Variants in SCARA3 observed in about 807,000 individuals in gnomAD.
SCARA3 encodes scavenger receptor class A member 3.
A neutral mutation model predicts 47.0 loss-of-function variants in SCARA3; 39 were observed. That is an observed-to-expected ratio of 0.83 (90% CI 0.64 to 1.08). SCARA3 has a LOEUF of 1.08. Among genes scored for constraint, SCARA3 ranks in the 50% least tolerant of loss-of-function variants. The pLI is 0.00. For missense variants in SCARA3, 724 were observed against 792.3 expected, an observed-to-expected ratio of 0.91 and a Z score of 1.04; for synonymous variants, 356 against 334.1, an observed-to-expected ratio of 1.07 and a Z score of -0.71.
At chr8:27,709,072 G>A in the SCARA3 span, among the ~76,000 whole-genome samples, 1 of 152,182 alleles carries the variant, frequency 6.6e-6, no homozygotes, top group Non-Finnish European at 1.5e-5. Flanking sequence ...ATGTCCTCGA[G>A]AAATGTTGAC....
intron 1 of SCARA3, among the ~76,000 whole-genome samples, chr8:27,648,897 GAAGGA>G (rs35572827): frequency 0.18 from 26,393 of 147,160 alleles, 2,878 homozygotes; most frequent in Middle Eastern, 0.32. Context: ...AGGAAGGAAT[GAAGGA>G]AAGGAAAGGA....
intron 5 of SCARA3, among the ~76,000 whole-genome samples, chr8:27,668,414 C>A (rs1802066822): frequency 1.3e-5 from 2 of 151,176 alleles, no homozygotes; most frequent in Non-Finnish European, 2.9e-5. Flanking sequence ...GTGGCGGGCG[C>A]CTGTAGTCCC....
rs35697360 is a variant in SCARA3, at chr8:27,647,441, G to T, written c.8-2261G>T. The stretch of plus-strand genomic sequence containing the variant: ...GGTGGACCCTTGAAAGCTCCCCAGA[G>T]AGCTCCACAGGCAGGCATAGAACTG... On this transcript the variant is annotated intron_variant, in intron 1 of 5. Transcript: ENST00000301904. 8.5e-3 allele frequency among the ~76,000 whole-genome samples: 1,287 copies of T among 152,268 alleles called. 20 individuals are homozygous for T. The highest frequency in any genetic ancestry group is 0.024 in the African/African-American group (989 of 41,536).
At chr8:27,639,349 G>A (rs376009631) in intron 1 of SCARA3, among the ~76,000 whole-genome samples, 2 of 152,158 alleles carry the variant, frequency 1.3e-5, no homozygotes, top group South Asian at 2.1e-4. Context: ...CGGCATATAC[G>A]GGAGATTGGA....
chr8:27,679,929 T>C (rs985133225), downstream of SCARA3: 1 of 152,020 alleles, frequency 6.6e-6, no homozygotes, highest in Non-Finnish European at 1.5e-5. Flanking sequence ...AAGTCTTCCT[T>C]TTTTTTAATC....
At chr8:27,700,992 A>G in the SCARA3 span, among the ~76,000 whole-genome samples, 1 of 152,256 alleles carries the variant, frequency 6.6e-6, no homozygotes, top group Non-Finnish European at 1.5e-5. Flanking sequence ...ACTATTCACA[A>G]CAGCATTGTC....
At chr8:27,644,006 G>T (rs773904783) in intron 1 of SCARA3, among the ~76,000 whole-genome samples, 4 of 152,110 alleles carry the variant, frequency 2.6e-5, no homozygotes, top group African/African-American at 4.8e-5. Context: ...GTCAGTGGCC[G>T]TGCTTAGCAA....
chr8:27,688,407 A>T, the SCARA3 span, among the ~76,000 whole-genome samples: 1 of 152,036 alleles, frequency 6.6e-6, no homozygotes, highest in Non-Finnish European at 1.5e-5. Context: ...GGCAAAAAAA[A>T]AAAACCAGCC....
downstream of SCARA3, among the ~76,000 whole-genome samples, chr8:27,681,551 T>G (rs934908091): frequency 7.2e-5 from 11 of 151,844 alleles, no homozygotes; most frequent in Admixed American, 1.3e-4. Context: ...GAAGCGAGAC[T>G]TCATCTCTTA....
chr8:27,685,376 C>T, the SCARA3 span, among the ~76,000 whole-genome samples: 1 of 152,202 alleles, frequency 6.6e-6, no homozygotes, highest in African/African-American at 2.4e-5. Context: ...TACCAAAACA[C>T]TCAAAGAAGT....
At chr8:27,648,608 G>GA (rs958243758) in intron 1 of SCARA3, among the ~76,000 whole-genome samples, 19 of 141,514 alleles carry the variant, frequency 1.3e-4, no homozygotes, top group African/African-American at 3.4e-4. Context: ...TGTCTCAAAA[G>GA]AAAAAAAAAA....
chr8:27,731,567 C>T, the SCARA3 span, among the ~76,000 whole-genome samples: 1 of 144,976 alleles, frequency 6.9e-6, no homozygotes, highest in African/African-American at 2.5e-5. Flanking sequence ...ATAATTGCCT[C>T]GGAGACGGAG....
Position 27,670,947 on chromosome 8 carries a change from G to T in SCARA3, c.1417G>T (p.Val473Leu), listed in dbSNP as rs147324406. ...GPRGFKGDMGVKGPVGGRGPK... is the reference protein window; with the variant it reads ...GPRGFKGDMGLKGPVGGRGPK... ...AAGAGGATTCAAAGGAGATATGGGCGTGAAAGGGCCTGTTGGCGGCAGAGG... is the reference window on the plus strand; with the variant it reads ...AAGAGGATTCAAAGGAGATATGGGCTTGAAAGGGCCTGTTGGCGGCAGAGG... The change falls in exon 6 of 6, where the codon GTG becomes TTG. Residue 473 changes from valine to leucine, a missense_variant. By Grantham distance (32) the Val-to-Leu change is conservative (BLOSUM62 1). Coordinates refer to ENST00000301904, the MANE Select transcript of SCARA3 (RefSeq NM_016240.3). 2.5e-6 allele frequency: 4 copies of T among 1,588,474 alleles called. No homozygotes were observed. The African/African-American group carries it at 4.1e-5, about 16-fold the overall frequency.
At chr8:27,713,079 T>C in the SCARA3 span, among the ~76,000 whole-genome samples, 1 of 152,250 alleles carries the variant, frequency 6.6e-6, no homozygotes, top group African/African-American at 2.4e-5. Context: ...TAACTTCTAG[T>C]AATCATACTC....
At chr8:27,710,875 G>C in the SCARA3 span, among the ~76,000 whole-genome samples, 2 of 149,386 alleles carry the variant, frequency 1.3e-5, no homozygotes, top group Non-Finnish European at 3.0e-5. Context: ...TAGATCTATA[G>C]ATGTGAGATA....
intron 3 of SCARA3, among the ~76,000 whole-genome samples, chr8:27,654,755 A>C (rs1185352783): frequency 1.3e-5 from 2 of 149,950 alleles, no homozygotes; most frequent in Non-Finnish European, 2.9e-5. Flanking sequence ...ACACTGCTGC[A>C]CTCCAGCCTG....
chr8:27,641,032 A>G (rs1801370857), intron 1 of SCARA3, among the ~76,000 whole-genome samples: 2 of 152,212 alleles, frequency 1.3e-5, no homozygotes, highest in Non-Finnish European at 2.9e-5. Flanking sequence ...ATAACATCCC[A>G]TAGTAAGACT....
At chr8:27,640,119 A>G (rs35384250) in intron 1 of SCARA3, among the ~76,000 whole-genome samples, 8 of 152,198 alleles carry the variant, frequency 5.3e-5, no homozygotes, top group South Asian at 4.1e-4. Context: ...GAATCTCTTT[A>G]TCGGGAGGCA....
At chr8:27,716,760 A>G in the SCARA3 span, among the ~76,000 whole-genome samples, 18 of 152,358 alleles carry the variant, frequency 1.2e-4, no homozygotes, top group African/African-American at 4.3e-4. Context: ...ATAATAACAT[A>G]GTCTCAAAGT....
Sources: gnomAD v4.1 joint callset for allele counts (sites outside exome capture counted in the v4.1 genomes callset) on GRCh38, gnomAD v4.1.1 for gene constraint, MANE v1.5 for transcripts, NCBI Gene and HGNC (gene_info 2026-07-23, HGNC 2026-07-21) for gene names.